Variants in CMIP observed in about 807,000 individuals in gnomAD.
The protein encoded by CMIP is c-Maf inducing protein.
In CMIP, 13 loss-of-function variants were observed where a neutral mutation model predicts 97.3. The observed-to-expected ratio is 0.13, with a 90% CI of 0.09 to 0.21. The LOEUF (loss-of-function observed/expected upper bound fraction) is 0.21, where lower values mean the gene tolerates loss of function less well. Ranked by LOEUF, CMIP falls within the 10% of genes least tolerant of loss-of-function variation. The probability of loss-of-function intolerance (pLI) is 1.00; values close to 1 mark genes in which losing one functional copy is unlikely to be tolerated. For synonymous variants in CMIP, 538 were observed against 436.3 expected, an observed-to-expected ratio of 1.23 and a Z score of -2.91; for missense variants, 847 against 1,024.9, an observed-to-expected ratio of 0.83 and a Z score of 2.37.
chr16:81,686,381 C>T (rs1378348736), intron 10 of CMIP, among the ~76,000 whole-genome samples: 2 of 152,190 alleles, frequency 1.3e-5, no homozygotes, highest in Non-Finnish European at 2.9e-5. Context: ...GCTCTGAGAA[C>T]CCCAGGCTGC....
intron 15 of CMIP, among the ~76,000 whole-genome samples, 174 bp from the exon 16 acceptor site, chr16:81,701,486 C>T (rs1907400082): frequency 6.6e-6 from 1 of 152,208 alleles, no homozygotes; most frequent in Non-Finnish European, 1.5e-5. Flanking sequence ...ACTGGTGCTA[C>T]CATTGTACAA....
In CMIP at chr16:81,672,030, C is replaced by T; in HGVS notation, c.994C>T (p.Leu332=). ...CCTGCCCAACCTGGTGGCCGTGTGCCTGGCTGCCATCTACTCCTGCTATGA... is the reference window on the plus strand; with the variant it reads ...CCTGCCCAACCTGGTGGCCGTGTGCTTGGCTGCCATCTACTCCTGCTATGA... ...RVLPNLVAVC[L]AAIYSCYEEF... Residue 332 remains leucine, a synonymous_variant, in exon 9 of 21, where the codon CTG becomes TTG. Coordinates refer to ENST00000537098, the MANE Select transcript of CMIP (RefSeq NM_198390.3). The T allele has an allele frequency of 6.2e-7, 1 of 1,606,528 alleles. No homozygotes were observed.
At chr16:81,571,982 C>T (rs558524712) in intron 1 of CMIP, among the ~76,000 whole-genome samples, 105 of 152,322 alleles carry the variant, frequency 6.9e-4, no homozygotes, top group African/African-American at 2.4e-3. Flanking sequence ...AAGGGTGTCT[C>T]GGAAGAGTTG....
intron 4 of CMIP, among the ~76,000 whole-genome samples, chr16:81,653,681 C>T (rs1036487240): frequency 2.0e-5 from 3 of 152,302 alleles, no homozygotes; most frequent in South Asian, 2.1e-4. Flanking sequence ...AGTGGCGTGA[C>T]GGCTCACTGC....
chr16:81,656,159 G>A (rs1307101019), intron 4 of CMIP, among the ~76,000 whole-genome samples: 6 of 152,192 alleles, frequency 3.9e-5, no homozygotes, highest in South Asian at 4.1e-4. Flanking sequence ...CATGGGGACC[G>A]GTAGAGACTC....
Position 81,540,236 on chromosome 16 carries a change from G to C in CMIP, c.301-67331G>C, listed in dbSNP as rs903655584. Among the ~76,000 whole-genome samples the C allele has an allele frequency of 5.9e-5, 9 of 152,196 alleles. No individual in the cohort carries two copies. The South Asian group carries it at 8.3e-4, about 14-fold the overall frequency. On this transcript the variant is annotated intron_variant, in intron 1 of 20. Transcript: ENST00000537098. Reference sequence around the variant, plus strand: ...GTGTCTCGTCAGAGCACACTGATTTGATGAGTCCCCGGCTTTCCTTAGTCT... The same window carrying C: ...GTGTCTCGTCAGAGCACACTGATTTCATGAGTCCCCGGCTTTCCTTAGTCT...
rs187706725 is a variant in CMIP at position 81,709,011 on chromosome 16, C to G, written c.2269-735C>G. ...ATGAGGCCAGTTAGGAGGCAGCTAC[C>G]TCTCTGTATAGTGGAGGCTTGTTAA... is the stretch of plus-strand genomic sequence containing the variant. On this transcript the variant is annotated intron_variant, in intron 20 of 20. Coordinates refer to ENST00000537098, the MANE Select transcript of CMIP (RefSeq NM_198390.3). Among the ~76,000 whole-genome samples, 85 of 152,308 alleles carry G rather than the reference C, an allele frequency of 5.6e-4. 1 individual carries two copies. The East Asian group carries it at 0.013, about 24-fold the overall frequency.
intron 3 of CMIP, among the ~76,000 whole-genome samples, chr16:81,625,945 G>A (rs1479557624): frequency 6.6e-6 from 1 of 152,272 alleles, no homozygotes; most frequent in Admixed American, 6.5e-5. Flanking sequence ...AGCAGACTGT[G>A]TGTCACAAGA....
At chr16:81,543,981 C>A (rs375290379) in intron 1 of CMIP, among the ~76,000 whole-genome samples, 1 of 152,218 alleles carries the variant, frequency 6.6e-6, no homozygotes, top group Non-Finnish European at 1.5e-5. Flanking sequence ...TTTTAAGGAG[C>A]TTTAGCACAT....
Position 81,707,062 on chromosome 16 carries a change from C to T in CMIP, c.2246C>T (p.Ala749Val), listed in dbSNP as rs2151109537. The T allele has an allele frequency of 6.2e-7, 1 of 1,613,780 alleles. No homozygotes were observed. The highest frequency in any genetic ancestry group is 2.2e-5 in the East Asian group (1 of 44,890). ...AACATGAACAGCACCAAGCTCTCAG[C>T]TGACACCTACGAAGATCTGAAGGTA... ...SLNMNSTKLS[A>V]DTYEDLKAKL... Residue 749 changes from alanine (A) to valine (V), a missense_variant, in exon 20 of 21, where the codon GCT becomes GTT. By Grantham distance (64) the Ala-to-Val change is moderately conservative. Transcript: ENST00000537098.
In CMIP at chr16:81,607,615, G is replaced by A. The variant is rs772246525; in HGVS notation, c.349G>A (p.Val117Ile). ...AGTCTCCTACAGCGCAATTGAAGAC[G>A]TTCAGCTGCTGTCCTGGGAGAATGC... is the stretch of plus-strand genomic sequence containing the variant. ...NSVSYSAIED[V>I]QLLSWENAPK... Residue 117 changes from valine to isoleucine, a missense_variant, in exon 2 of 21, where the codon GTT becomes ATT. Transcript: ENST00000537098. 6.9e-5 allele frequency: 111 copies of A among 1,613,830 alleles called. No individual in the cohort carries two copies. Among genetic ancestry groups the A allele is most frequent in the Middle Eastern group, 3.3e-4 (2 of 6,078 alleles).
chr16:81,492,696 G>C (rs1336208900), intron 1 of CMIP, among the ~76,000 whole-genome samples: 1 of 152,112 alleles, frequency 6.6e-6, no homozygotes, highest in African/African-American at 2.4e-5. Flanking sequence ...TGGAGAAAAA[G>C]GGGGGAAGAG....
intron 1 of CMIP, among the ~76,000 whole-genome samples, chr16:81,480,268 G>C (rs1047454658): frequency 6.6e-6 from 1 of 152,188 alleles, no homozygotes; most frequent in Non-Finnish European, 1.5e-5. Flanking sequence ...GGCCAGGCGT[G>C]GTGGCTCACG....
At chr16:81,544,855 C>T (rs58148486) in intron 1 of CMIP, among the ~76,000 whole-genome samples, 9 of 152,110 alleles carry the variant, frequency 5.9e-5, no homozygotes, top group East Asian at 1.9e-4. Flanking sequence ...GCTCTGCTTC[C>T]GGTTTCTGGG....
intron 8 of CMIP, among the ~76,000 whole-genome samples, chr16:81,671,443 C>T (rs1192856116): frequency 6.6e-6 from 1 of 152,166 alleles, no homozygotes; most frequent in Non-Finnish European, 1.5e-5. Flanking sequence ...ATGTTGGTGA[C>T]TCTATGCTAA....
chr16:81,587,639 A>G (rs890498524), intron 1 of CMIP, among the ~76,000 whole-genome samples: 14 of 152,214 alleles, frequency 9.2e-5, no homozygotes, highest in African/African-American at 3.4e-4. Flanking sequence ...GGTGAGCTAC[A>G]GCGCTGGAGT....
rs930763115 is a variant in CMIP, at chr16:81,627,973, C to T, written c.477+7047C>T. On this transcript the variant is annotated intron_variant, in intron 3 of 20. Coordinates refer to ENST00000537098, the MANE Select transcript of CMIP (RefSeq NM_198390.3). This position sits in a 1 kb window ranked among gnomAD's most constrained non-coding sequence, Gnocchi z 4.6. ...AGGGCCTGGGTCATGTCCCCACTGG[C>T]TGCACCCTCAGGAGGGCGGGATCCA... Among the ~76,000 whole-genome samples the T allele has an allele frequency of 2.6e-5, 4 of 152,128 alleles. No homozygotes were observed. Among genetic ancestry groups the T allele is most frequent in the African/African-American group, 9.7e-5 (4 of 41,408 alleles).
chr16:81,646,911 C>G (rs2092370385), intron 3 of CMIP, among the ~76,000 whole-genome samples: 1 of 152,174 alleles, frequency 6.6e-6, no homozygotes, highest in South Asian at 2.1e-4. Context: ...AAGAATGCTG[C>G]TATGGACATT....
rs1227230455 is a variant in CMIP, at chr16:81,647,906, C to T, written c.478-4297C>T. ...CAGCCCGCACCCACAACGCCGTAGC[C>T]CACCCTCCCCCCGCACCCGCAGAGC... On this transcript the variant is annotated intron_variant, in intron 3 of 20. Coordinates refer to ENST00000537098, the MANE Select transcript of CMIP (RefSeq NM_198390.3). 1.0e-4 allele frequency among the ~76,000 whole-genome samples: 14 copies of T among 137,032 alleles called. No homozygotes were observed. The East Asian group carries it at 3.5e-3, about 34-fold the overall frequency. The allele number at this position is 137,032 out of a possible 152,430, so 89.9% of individuals were successfully genotyped here.
Sources: allele counts gnomAD v4.1 joint callset (sites outside exome capture counted in the v4.1 genomes callset), GRCh38; gene constraint gnomAD v4.1.1; non-coding constraint Gnocchi (gnomAD v3.1); transcripts MANE v1.5; gene names NCBI Gene and HGNC (gene_info 2026-07-23, HGNC 2026-07-21).